DSCAM: variants seen among roughly 807,000 people sequenced by gnomAD.
The protein encoded by DSCAM is DS cell adhesion molecule.
Under a neutral mutation model 217.7 loss-of-function variants are expected in DSCAM, and 47 were observed. The observed-to-expected ratio is 0.22, with a 90% CI of 0.17 to 0.28. The LOEUF is 0.28. Among genes scored for constraint, DSCAM ranks in the 10% least tolerant of loss-of-function variants. The pLI is 1.00. For synonymous variants in DSCAM, 1,056 were observed against 1,015.3 expected (o/e 1.04, Z -0.76); for missense variants, 2,080 against 2,618.3 (o/e 0.79, Z 4.49).
chr21:40,747,815 A>G (rs1180459227), intron 1 of DSCAM, among the ~76,000 whole-genome samples: 11 of 152,092 alleles, frequency 7.2e-5, no homozygotes, highest in Admixed American at 6.5e-4. Context: ...GATGCAAAAA[A>G]TCCTCAAGAA....
intron 3 of DSCAM, among the ~76,000 whole-genome samples, chr21:40,437,091 A>T (rs898608756): frequency 2.0e-5 from 3 of 152,204 alleles, no homozygotes; most frequent in Non-Finnish European, 4.4e-5. Context: ...TTGGCTGAAA[A>T]GGTAGGAATT....
chr21:40,072,537 A>G (rs1458882633), intron 27 of DSCAM, among the ~76,000 whole-genome samples: 1 of 151,698 alleles, frequency 6.6e-6, no homozygotes, highest in Non-Finnish European at 1.5e-5. Context: ...TTTAGTAGAG[A>G]CGGGGTTTCA....
At chr21:40,700,352 G>C (rs1360770028) in intron 2 of DSCAM, among the ~76,000 whole-genome samples, 1 of 152,196 alleles carries the variant, frequency 6.6e-6, no homozygotes, top group Non-Finnish European at 1.5e-5. Context: ...CTTTTTATCA[G>C]ATTGAGGAAG....
chr21:40,014,162 G>A (rs971361508), intron 32 of DSCAM, among the ~76,000 whole-genome samples: 1 of 152,186 alleles, frequency 6.6e-6, no homozygotes, highest in African/African-American at 2.4e-5. Flanking sequence ...AGGCCGAGGC[G>A]GAAGGATCAC....
chr21:40,597,835 G>T (rs1178684574), intron 3 of DSCAM, among the ~76,000 whole-genome samples: 1 of 152,020 alleles, frequency 6.6e-6, no homozygotes, highest in African/African-American at 2.4e-5. Flanking sequence ...AGTTACAGAT[G>T]TATAGAAAAA....
chr21:40,228,971 G>T (rs1331382342), intron 11 of DSCAM, among the ~76,000 whole-genome samples: 1 of 152,050 alleles, frequency 6.6e-6, no homozygotes, highest in East Asian at 1.9e-4. Context: ...ACATGAGTTC[G>T]TACTGATGTC....
chr21:40,725,765 T>G (rs921374644), intron 1 of DSCAM, among the ~76,000 whole-genome samples: 2 of 152,072 alleles, frequency 1.3e-5, no homozygotes, highest in African/African-American at 4.8e-5. Flanking sequence ...GACCTAGGAG[T>G]GTGGAGACCA....
At chr21:40,326,223 A>T (rs1312351358) in intron 8 of DSCAM, among the ~76,000 whole-genome samples, 1 of 152,218 alleles carries the variant, frequency 6.6e-6, no homozygotes, top group Non-Finnish European at 1.5e-5. Flanking sequence ...GTCAGCCAAA[A>T]GTTGACAAAA....
intron 26 of DSCAM, among the ~76,000 whole-genome samples, chr21:40,075,940 G>A (rs1187790099): frequency 1.3e-5 from 2 of 152,150 alleles, no homozygotes; most frequent in South Asian, 2.1e-4. Context: ...GCTCAGTACC[G>A]TGGGTGCAGA....
chr21:40,347,845 G>T lies in DSCAM; in HGVS notation c.1035C>A (p.Leu345=). The part of the protein sequence containing the change: ...CSVTGTEDQE[L]SWYRNGEILN... ...GGATTTCACCATTGCGGTACCAGGAGAGTTCCTGGTCCTCAGTTCCTGTCA... is the reference window on the plus strand; with the variant it reads ...GGATTTCACCATTGCGGTACCAGGATAGTTCCTGGTCCTCAGTTCCTGTCA... Residue 345 remains leucine, a synonymous_variant, in exon 6 of 33, where the codon CTC becomes CTA. Coordinates refer to ENST00000400454, the MANE Select transcript of DSCAM (RefSeq NM_001389.5). 8 of 1,614,110 alleles carry T rather than the reference G, an allele frequency of 5.0e-6. No homozygotes were observed. The highest frequency in any genetic ancestry group is 6.8e-6 in the Non-Finnish European group (8 of 1,179,988).
intron 3 of DSCAM, among the ~76,000 whole-genome samples, chr21:40,436,709 C>T (rs74541127): frequency 0.014 from 2,115 of 152,146 alleles, 36 homozygotes; most frequent in African/African-American, 0.044. Flanking sequence ...AGGCCGCCCT[C>T]GTTAAAAAAT....
chr21:40,163,436 T>A (rs1213745667), intron 16 of DSCAM, among the ~76,000 whole-genome samples: 2 of 152,326 alleles, frequency 1.3e-5, no homozygotes, highest in East Asian at 3.9e-4. Context: ...GAAACTTTAT[T>A]GTCATTTACT....
Position 40,075,206 on chromosome 21 carries a change from A to G in DSCAM, c.4719T>C (p.Ile1573=). 2 of 1,614,136 alleles carry G rather than the reference A, an allele frequency of 1.2e-6. No homozygotes were observed. Among genetic ancestry groups the G allele is most frequent in the Non-Finnish European group, 1.7e-6 (2 of 1,180,010 alleles). ...GGACAACTGACTTAATGAGTGGAGG[A>G]ATTGTACCTGAAAGCAGGGCCACGG... ...FATLNYDGST[I]PPLIKSVVQN... Residue 1573 remains isoleucine (I), a synonymous_variant, in exon 27 of 33, where the codon ATT becomes ATC. Transcript: ENST00000400454.
At chr21:40,579,644 C>G (rs1367543460) in intron 3 of DSCAM, among the ~76,000 whole-genome samples, 1 of 152,072 alleles carries the variant, frequency 6.6e-6, no homozygotes, top group African/African-American at 2.4e-5. Context: ...TCCAACCTAT[C>G]AGAGAGAAAA....
At chr21:40,598,666 G>A (rs546145887) in intron 3 of DSCAM, among the ~76,000 whole-genome samples, 4 of 151,784 alleles carry the variant, frequency 2.6e-5, no homozygotes, top group South Asian at 2.1e-4. Flanking sequence ...CATGACACCC[G>A]GCTAATTTTT....
At chr21:40,377,958 C>T (rs2074980111) in intron 3 of DSCAM, among the ~76,000 whole-genome samples, 1 of 152,178 alleles carries the variant, frequency 6.6e-6, no homozygotes. Context: ...CATGTAAGAA[C>T]CTGACAGAGA....
chr21:40,247,432 T>C (rs987675173), intron 11 of DSCAM, among the ~76,000 whole-genome samples: 3 of 152,152 alleles, frequency 2.0e-5, no homozygotes, highest in African/African-American at 4.8e-5. Context: ...GGTACAGGCA[T>C]TGGGGAAATA....
chr21:40,168,901 C>T (rs2090625474), intron 15 of DSCAM, among the ~76,000 whole-genome samples: 1 of 152,046 alleles, frequency 6.6e-6, no homozygotes, highest in South Asian at 2.1e-4. Context: ...TCTGTGACTC[C>T]ATTTCTCTCT....
At chr21:40,417,724 T>C (rs950691299) in intron 3 of DSCAM, among the ~76,000 whole-genome samples, 4 of 152,206 alleles carry the variant, frequency 2.6e-5, no homozygotes, top group African/African-American at 9.6e-5. Flanking sequence ...CAAATTATAA[T>C]CGTTGTGCTT....
Sources: allele counts gnomAD v4.1 joint callset (sites outside exome capture counted in the v4.1 genomes callset), GRCh38; gene constraint gnomAD v4.1.1; transcripts MANE v1.5; gene names NCBI Gene and HGNC (gene_info 2026-07-23, HGNC 2026-07-21).